CAPN5: variants seen among roughly 807,000 people sequenced by gnomAD.
The protein encoded by CAPN5 is calpain 5.
A neutral mutation model predicts 73.0 loss-of-function variants in CAPN5; 54 were observed. The ratio of observed to expected loss-of-function variants is 0.74; its 90% CI spans 0.59 to 0.93. The LOEUF is 0.93. Ranked by LOEUF, CAPN5 falls within the 40% of genes least tolerant of loss-of-function variation. The pLI, the probability that CAPN5 is intolerant of heterozygous loss-of-function variation, is 0.00. For missense variants in CAPN5, 785 were observed against 882.9 expected (o/e 0.89, Z 1.41); for synonymous variants, 335 against 356.9 (o/e 0.94, Z 0.69).
chr11:77,087,927 T>C, intron 2 of CAPN5: 1 of 1,536,002 alleles, frequency 6.5e-7, no homozygotes, highest in Non-Finnish European at 8.7e-7. Flanking sequence ...CTCGCTATGT[T>C]TTTGTTCTTT....
At chr11:77,122,089 G>A in intron 11 of CAPN5, 40 bp downstream of exon 11, 1 of 1,216,982 alleles carries the variant, frequency 8.2e-7, no homozygotes, top group South Asian at 1.5e-5. Flanking sequence ...CCTCCTGCCA[G>A]TTGTCCCATG....
At chr11:77,076,421 T>C (rs557053180) in intron 1 of CAPN5, among the ~76,000 whole-genome samples, 1 of 152,232 alleles carries the variant, frequency 6.6e-6, no homozygotes, top group Non-Finnish European at 1.5e-5. Flanking sequence ...GTCACCATGT[T>C]ACAATCAATC....
Position 77,124,613 on chromosome 11 carries a change from C to G in CAPN5, c.*743C>G, listed in dbSNP as rs1326481165. On this transcript the variant is annotated 3_prime_UTR_variant, in exon 13 of 13. Coordinates refer to ENST00000648180, the MANE Select transcript of CAPN5 (RefSeq NM_004055.5). ...CCATTCCCAGCCCCTGCGTTAAGGT[C>G]CCTGGAGAGGTGGCGTCAGTGGGGG... The G allele has an allele frequency of 1.3e-5, 2 of 152,486 alleles. No homozygotes were observed. The highest frequency in any genetic ancestry group is 2.9e-5 in the Non-Finnish European group (2 of 68,248). The allele number at this position is 152,486 out of a possible 1,614,324, so 9.4% of individuals were successfully genotyped here. A position where few individuals can be genotyped will look rare whatever the true frequency, so the allele number is the denominator to read the frequency against.
At chr11:77,116,067 G>A (rs1299495775) in intron 6 of CAPN5, among the ~76,000 whole-genome samples, 159 bp from the exon 7 acceptor site, 1 of 152,114 alleles carries the variant, frequency 6.6e-6, no homozygotes, top group Admixed American at 6.5e-5. Flanking sequence ...GGGCTTCCTG[G>A]AGAGGGGCTG....
intron 2 of CAPN5, among the ~76,000 whole-genome samples, chr11:77,089,148 C>CT (rs1950122741): frequency 6.6e-6 from 1 of 152,204 alleles, no homozygotes; most frequent in African/African-American, 2.4e-5. Context: ...CCTAAGGAAA[C>CT]CTAGAGAGTG....
In CAPN5 at chr11:77,118,187, C is replaced by G. The variant is rs1950486834; in HGVS notation, c.1002C>G (p.Phe334Leu). The G allele has an allele frequency of 1.9e-6, 3 of 1,613,806 alleles. No individual in the cohort carries two copies. The highest frequency in any genetic ancestry group is 8.5e-7 in the Non-Finnish European group (1 of 1,179,918). The part of the protein sequence containing the change: ...WMTFEDVCRY[F>L]TDIIKCRVIN... ...CCTTCGAGGACGTGTGCCGGTACTT[C>G]ACGGACATCATCAAGTGCCGCGTGA... is the stretch of plus-strand genomic sequence containing the variant. Residue 334 changes from phenylalanine to leucine, a missense_variant, in exon 8 of 13, where the codon TTC becomes TTG. Physicochemically the swap from Phe to Leu is conservative, Grantham distance 22. Transcript: ENST00000648180.
At chr11:77,104,606 G>T (rs1950324222) in intron 3 of CAPN5, among the ~76,000 whole-genome samples, 1 of 152,224 alleles carries the variant, frequency 6.6e-6, no homozygotes, top group Non-Finnish European at 1.5e-5. Context: ...CCTTCGCATT[G>T]CGCAGTCCCA....
intron 3 of CAPN5, among the ~76,000 whole-genome samples, chr11:77,102,005 T>G (rs1038109740): frequency 6.6e-6 from 1 of 152,220 alleles, no homozygotes; most frequent in East Asian, 1.9e-4. Context: ...GTCATCCGGG[T>G]CAGTAATGCT....
At chr11:77,080,187 T>C (rs1950014295) in intron 1 of CAPN5, among the ~76,000 whole-genome samples, 1 of 152,210 alleles carries the variant, frequency 6.6e-6, no homozygotes, top group African/African-American at 2.4e-5. Flanking sequence ...TTCTGAACTT[T>C]CTATTCTGTT....
At position 77,109,035 on chromosome 11, in the gene CAPN5, G is replaced by A. The variant is rs1281101247; in HGVS notation, c.298-3554G>A. 2.0e-5 allele frequency among the ~76,000 whole-genome samples: 3 copies of A among 152,118 alleles called. No individual in the cohort carries two copies. The East Asian group carries it at 5.8e-4, about 29-fold the overall frequency. ...GTTTGACATGTTCTCTGTCCCCTGC[G>A]TTTCTGTAACCTGGGACTTAGCTCC... On this transcript the variant is annotated intron_variant, in intron 3 of 12. Transcript: ENST00000648180.
At chr11:77,113,590 C>A (rs1331392070) in intron 4 of CAPN5, among the ~76,000 whole-genome samples, 1 of 151,980 alleles carries the variant, frequency 6.6e-6, no homozygotes, top group African/African-American at 2.4e-5. Flanking sequence ...AGATAGAAAA[C>A]AAGAGAAAGG....
In CAPN5 at chr11:77,093,025, A is replaced by G. The variant is rs138866042; in HGVS notation, c.166-657A>G. Among the ~76,000 whole-genome samples the G allele has an allele frequency of 5.1e-3, 770 of 152,338 alleles. 28 individuals are homozygous for G. Among genetic ancestry groups the G allele is most frequent in the East Asian group, 0.013 (69 of 5,190 alleles). ...AAAAAAGGAGTTTTTGCTCCACTTG[A>G]GCATTTGCTTGCTGTGTGCCTTTGA... On this transcript the variant is annotated intron_variant, in intron 2 of 12. Coordinates refer to ENST00000648180, the MANE Select transcript of CAPN5 (RefSeq NM_004055.5).
chr11:77,095,006 G>A (rs1354906614), intron 3 of CAPN5, among the ~76,000 whole-genome samples: 3 of 152,190 alleles, frequency 2.0e-5, no homozygotes, highest in Non-Finnish European at 4.4e-5. Context: ...ACGGGGATGT[G>A]ACCTCTCAAA....
At chr11:77,093,948 C>T (rs1436015225) in intron 3 of CAPN5, 135 bp downstream of exon 3, 10 of 1,270,922 alleles carry the variant, frequency 7.9e-6, no homozygotes, top group Middle Eastern at 2.7e-4. Context: ...GGTGGGGGCC[C>T]CCAGTACTGG....
intron 1 of CAPN5, among the ~76,000 whole-genome samples, chr11:77,068,457 T>C (rs1555032526): frequency 6.6e-6 from 1 of 151,888 alleles, no homozygotes; most frequent in Non-Finnish European, 1.5e-5. Context: ...TGCAGATTCG[T>C]TGGGGCTGGG....
intron 1 of CAPN5, among the ~76,000 whole-genome samples, chr11:77,081,967 T>A (rs1555034681): frequency 6.6e-6 from 1 of 152,116 alleles, no homozygotes; most frequent in Non-Finnish European, 1.5e-5. Context: ...TGTTGGTTCA[T>A]GCAACATAAC....
At chr11:77,093,651 C>T in intron 2 of CAPN5, 31 bp from the exon 3 acceptor site, 4 of 1,543,500 alleles carry the variant, frequency 2.6e-6, no homozygotes, top group Non-Finnish European at 3.5e-6. Context: ...GCTCCTCCGC[C>T]CCTCACGCTC....
chr11:77,069,227 A>G (rs1010480678), intron 1 of CAPN5, among the ~76,000 whole-genome samples: 1 of 152,284 alleles, frequency 6.6e-6, no homozygotes, highest in African/African-American at 2.4e-5. Flanking sequence ...AATGCTGCCT[A>G]TTCACAGGGA....
At chr11:77,070,292 C>T (rs1477667733) in intron 1 of CAPN5, among the ~76,000 whole-genome samples, 7 of 152,202 alleles carry the variant, frequency 4.6e-5, no homozygotes, top group African/African-American at 1.7e-4. Flanking sequence ...TCCACTGGTC[C>T]CCAGCTGCCC....
Sources: allele counts gnomAD v4.1 joint callset (sites outside exome capture counted in the v4.1 genomes callset), GRCh38; gene constraint gnomAD v4.1.1; transcripts MANE v1.5; gene names NCBI Gene and HGNC (gene_info 2026-07-23, HGNC 2026-07-21).